Variants in NCKAP5 observed in about 807,000 individuals in gnomAD.
NCKAP5 encodes nck-associated protein 5.
In NCKAP5, 92 loss-of-function variants were observed where a neutral mutation model predicts 167.0. The observed-to-expected ratio is 0.55, with a 90% CI of 0.47 to 0.66. The LOEUF (loss-of-function observed/expected upper bound fraction) is 0.66. Ranked by LOEUF, NCKAP5 falls within the 30% of genes least tolerant of loss-of-function variation. The pLI is 0.00. For synonymous variants in NCKAP5, 891 were observed against 877.4 expected (o/e 1.02, Z -0.27); for missense variants, 2,378 against 2,315.0 (o/e 1.03, Z -0.56).
intron 6 of NCKAP5, among the ~76,000 whole-genome samples, chr2:133,094,162 T>C (rs112540964): frequency 0.015 from 2,221 of 152,254 alleles, 64 homozygotes; most frequent in African/African-American, 0.05. Context: ...CTAGTGAACA[T>C]TGTCGCCGGA....
chr2:133,535,108 G>A lies in NCKAP5; in HGVS notation c.-61-17521C>T, dbSNP rs114536659. ...AATAATGTTCAGCATCTTTTCATGT[G>A]TTTATTGGCTACTTGTATATTGTTT... On this transcript the variant is annotated intron_variant, in intron 2 of 19. Transcript: ENST00000409261. Among the ~76,000 whole-genome samples, 997 of 152,138 alleles carry A rather than the reference G, an allele frequency of 6.6e-3. 6 individuals carry two copies. The highest frequency in any genetic ancestry group is 0.023 in the African/African-American group (934 of 41,504).
At chr2:133,059,222 C>G (rs2079906954) in intron 6 of NCKAP5, among the ~76,000 whole-genome samples, 2 of 152,008 alleles carry the variant, frequency 1.3e-5, no homozygotes, top group Admixed American at 6.5e-5. Context: ...ATGGCATGAA[C>G]CCAGGAAGGG....
intron 3 of NCKAP5, among the ~76,000 whole-genome samples, chr2:133,345,175 C>A (rs548303594): frequency 6.6e-5 from 10 of 152,136 alleles, no homozygotes; most frequent in African/African-American, 2.4e-4. Context: ...CCCATTTTCA[C>A]CACCCGGGAA....
chr2:133,028,283 A>G (rs2078763136), intron 6 of NCKAP5, among the ~76,000 whole-genome samples: 1 of 152,216 alleles, frequency 6.6e-6, no homozygotes, highest in East Asian at 1.9e-4. Flanking sequence ...GCAAACTTAA[A>G]AAGTGTGGAA....
chr2:132,883,879 T>A (rs1691993941), intron 8 of NCKAP5, among the ~76,000 whole-genome samples: 1 of 152,232 alleles, frequency 6.6e-6, no homozygotes, highest in Admixed American at 6.5e-5. Flanking sequence ...GCTTGAAAAG[T>A]TTCAACTGTA....
chr2:132,714,860 C>G (rs1165129652), intron 19 of NCKAP5: 4 of 455,360 alleles, frequency 8.8e-6, no homozygotes, highest in Admixed American at 7.1e-5. Flanking sequence ...GCGCTGAAAC[C>G]CAGGTATGTA....
intron 3 of NCKAP5, among the ~76,000 whole-genome samples, chr2:133,483,541 C>G (rs952674702): frequency 1.4e-4 from 20 of 144,274 alleles, no homozygotes; most frequent in African/African-American, 4.9e-4. Flanking sequence ...GTTGGGTTTA[C>G]AAAAGAAAAG....
chr2:132,768,225 G>A (rs1247435644), intron 16 of NCKAP5, among the ~76,000 whole-genome samples: 1 of 152,084 alleles, frequency 6.6e-6, no homozygotes, highest in Non-Finnish European at 1.5e-5. Context: ...AATCCTATTG[G>A]GTTCTGCTTC....
At chr2:133,002,117 A>T (rs1341991939) in intron 6 of NCKAP5, among the ~76,000 whole-genome samples, 1 of 152,126 alleles carries the variant, frequency 6.6e-6, no homozygotes, top group Non-Finnish European at 1.5e-5. Context: ...AAACTGAGGG[A>T]TGACTGTTTT....
chr2:133,197,480 A>G (rs989300936), intron 5 of NCKAP5, among the ~76,000 whole-genome samples: 6 of 152,180 alleles, frequency 3.9e-5, no homozygotes, highest in Non-Finnish European at 5.9e-5. Flanking sequence ...ACCATAATAC[A>G]ATATCCAAAA....
intron 8 of NCKAP5, among the ~76,000 whole-genome samples, chr2:132,885,009 A>G (rs552070246): frequency 6.6e-6 from 1 of 152,200 alleles, no homozygotes; most frequent in African/African-American, 2.4e-5. Flanking sequence ...CACAATAGTC[A>G]CATTTATGGT....
Position 132,784,981 on chromosome 2 carries a change from G to C in NCKAP5, c.1830C>G (p.Thr610=). The part of the protein sequence containing the change: ...SPSDVSLAAD[T]DKSVENLDVL... Reference sequence around the variant, plus strand: ...CATCCAGGTTCTCCACGGACTTATCGGTGTCGGCAGCCAATGACACGTCTG... The same window carrying C: ...CATCCAGGTTCTCCACGGACTTATCCGTGTCGGCAGCCAATGACACGTCTG... The change falls in exon 14 of 20, where the codon ACC becomes ACG. Residue 610 remains threonine, a synonymous_variant. Transcript: ENST00000409261. 6.2e-7 allele frequency: 1 copy of C among 1,613,692 alleles called. No individual in the cohort carries two copies. The highest frequency in any genetic ancestry group is 1.1e-5 in the South Asian group (1 of 91,022).
chr2:133,017,424 C>T (rs1334261702), intron 6 of NCKAP5, among the ~76,000 whole-genome samples: 1 of 152,084 alleles, frequency 6.6e-6, no homozygotes, highest in African/African-American at 2.4e-5. Context: ...AGGCTATGCA[C>T]AAATACAGTA....
chr2:133,157,258 T>C (rs1296956166), intron 5 of NCKAP5, among the ~76,000 whole-genome samples: 1 of 152,182 alleles, frequency 6.6e-6, no homozygotes, highest in African/African-American at 2.4e-5. Flanking sequence ...CTTTCTTCTA[T>C]CCTCCAAACC....
At chr2:133,264,792 A>C (rs1350156556) in intron 4 of NCKAP5, among the ~76,000 whole-genome samples, 2 of 152,214 alleles carry the variant, frequency 1.3e-5, no homozygotes, top group Non-Finnish European at 2.9e-5. Flanking sequence ...CAGGTGCAGA[A>C]ATTTATTAGT....
intron 6 of NCKAP5, among the ~76,000 whole-genome samples, chr2:133,085,999 A>G (rs2080977199): frequency 6.6e-6 from 1 of 152,206 alleles, no homozygotes; most frequent in Non-Finnish European, 1.5e-5. Flanking sequence ...TGAACAATCA[A>G]TACTTGCTAC....
intron 3 of NCKAP5, among the ~76,000 whole-genome samples, chr2:133,442,269 G>C (rs1690907217): frequency 6.6e-6 from 1 of 152,140 alleles, no homozygotes; most frequent in Non-Finnish European, 1.5e-5. Flanking sequence ...CTGAATTAAT[G>C]ACTCTAGACA....
Position 133,242,246 on chromosome 2 carries a change from TTTCTTTTCTTTTC to T in NCKAP5, c.144-28480_144-28468del, listed in dbSNP as rs796262546. ...AGCTTGGTAAATACTCTGTTTTTCT[TTTCTTTTCTTTTC>T]TTTTTTTTTTAACTGAGAGAACATA... is the stretch of plus-strand genomic sequence containing the variant. On this transcript the variant is annotated intron_variant, in intron 4 of 19. Transcript: ENST00000409261. Among the ~76,000 whole-genome samples the T allele has an allele frequency of 2.9e-3, 407 of 142,120 alleles. 4 individuals carry two copies. The highest frequency in any genetic ancestry group is 0.012 in the African/African-American group (388 of 32,836). The allele number at this position is 142,120 out of a possible 152,430, so 93.2% of individuals were successfully genotyped here. A position where few individuals can be genotyped will look rare whatever the true frequency, so the allele number is the denominator to read the frequency against.
intron 11 of NCKAP5, among the ~76,000 whole-genome samples, chr2:132,859,895 C>G (rs959331104): frequency 3.3e-5 from 5 of 152,142 alleles, no homozygotes; most frequent in African/African-American, 1.2e-4. Flanking sequence ...TCAGGAACAG[C>G]TTCAAATCGA....
Sources: allele counts gnomAD v4.1 joint callset (sites outside exome capture counted in the v4.1 genomes callset), GRCh38; gene constraint gnomAD v4.1.1; transcripts MANE v1.5; gene names NCBI Gene and HGNC (gene_info 2026-07-23, HGNC 2026-07-21).